The following CRACD variants were observed in gnomAD, a reference collection of about 807,000 sequenced individuals.
The protein encoded by CRACD is capping protein-inhibiting regulator of actin dynamics.
In CRACD, 56 loss-of-function variants were observed where a neutral mutation model predicts 106.8. The observed-to-expected ratio is 0.52, with a 90% CI of 0.42 to 0.66. The LOEUF is 0.66. Ranked by LOEUF, CRACD falls within the 30% of genes least tolerant of loss-of-function variation. The probability of loss-of-function intolerance (pLI) is 0.00; values close to 1 mark genes in which losing one functional copy is unlikely to be tolerated. For synonymous variants in CRACD, 754 were observed against 670.8 expected (o/e 1.12, Z -1.92); for missense variants, 1,730 against 1,623.2 (o/e 1.07, Z -1.13).
chr4:56,265,004 A>G (rs1446427046), intron 2 of CRACD, among the ~76,000 whole-genome samples: 1 of 151,996 alleles, frequency 6.6e-6, no homozygotes, highest in African/African-American at 2.4e-5. Flanking sequence ...ACCTTACCTC[A>G]TGCCTCCTGG....
chr4:56,172,623 C>T (rs1226030144), intron 1 of CRACD, among the ~76,000 whole-genome samples: 1 of 151,968 alleles, frequency 6.6e-6, no homozygotes, highest in African/African-American at 2.4e-5. Context: ...CCACCACGCC[C>T]AGCTAATTTT....
rs556458925 is a variant in CRACD, at chr4:56,231,204, G to T, written c.-188-41117G>T. On this transcript the variant is annotated intron_variant, in intron 2 of 10. Coordinates refer to ENST00000682029, the MANE Select transcript of CRACD (RefSeq NM_001393381.1). ...GTTTTGAAATACACACACACACTGG[G>T]TTTATCCTGGCTTTCTGTTTAACCC... Among the ~76,000 whole-genome samples, 11 of 152,132 alleles carry T rather than the reference G, an allele frequency of 7.2e-5. No homozygotes were observed. In the South Asian group the frequency reaches 2.3e-3, roughly 32 times the overall value.
At chr4:56,066,726 C>T (rs1732477154) in intron 1 of CRACD, among the ~76,000 whole-genome samples, 1 of 152,124 alleles carries the variant, frequency 6.6e-6, no homozygotes. Flanking sequence ...CTTTAGCTCT[C>T]CCCACCACAC....
intron 3 of CRACD, among the ~76,000 whole-genome samples, chr4:56,272,749 G>A (rs1199974924): frequency 1.3e-5 from 2 of 152,058 alleles, no homozygotes; most frequent in African/African-American, 4.8e-5. Context: ...AAAAAAATTA[G>A]CCAGGTATGG....
chr4:56,295,634 ACACAC>A (rs1743965085), intron 3 of CRACD, among the ~76,000 whole-genome samples: 1 of 145,040 alleles, frequency 6.9e-6, no homozygotes, highest in East Asian at 2.1e-4. Flanking sequence ...TGTATTCTGT[ACACAC>A]AACTGTGAGA....
chr4:56,115,144 T>C (rs1220989710), intron 1 of CRACD, among the ~76,000 whole-genome samples: 2 of 152,280 alleles, frequency 1.3e-5, no homozygotes, highest in East Asian at 3.9e-4. Context: ...TTCTTCCTTT[T>C]TTGTCTACCT....
chr4:56,083,173 G>C lies in CRACD; in HGVS notation c.-336+33874G>C, dbSNP rs191922753. Among the ~76,000 whole-genome samples, 151 of 152,232 alleles carry C rather than the reference G, an allele frequency of 9.9e-4. 1 individual carries two copies. The highest frequency in any genetic ancestry group is 3.2e-3 in the African/African-American group (133 of 41,538). ...AGTGATAACAAGACACAGACCAAAAGCAAATAGGACCAAATCTTTATCTGA... is the reference window on the plus strand; with the variant it reads ...AGTGATAACAAGACACAGACCAAAACCAAATAGGACCAAATCTTTATCTGA... On this transcript the variant is annotated intron_variant, in intron 1 of 10. Coordinates refer to ENST00000682029, the MANE Select transcript of CRACD (RefSeq NM_001393381.1).
chr4:56,138,242 T>C (rs1054330051), intron 1 of CRACD, among the ~76,000 whole-genome samples: 4 of 152,072 alleles, frequency 2.6e-5, no homozygotes, highest in African/African-American at 9.7e-5. Context: ...GGTGGATGGA[T>C]TGCTTGAGGC....
chr4:56,087,421 G>A (rs1368319867), intron 1 of CRACD, among the ~76,000 whole-genome samples: 1 of 152,184 alleles, frequency 6.6e-6, no homozygotes, highest in Non-Finnish European at 1.5e-5. Context: ...TTGACATGTG[G>A]AAATGTTTCA....
intron 1 of CRACD, among the ~76,000 whole-genome samples, chr4:56,065,934 T>G (rs1047330963): frequency 5.9e-5 from 9 of 152,322 alleles, no homozygotes; most frequent in Middle Eastern, 3.4e-3. Flanking sequence ...ATGGGGTCAT[T>G]CAATATGTGT....
Position 56,316,354 on chromosome 4 carries a change from C to T in CRACD, c.2852C>T (p.Ala951Val), listed in dbSNP as rs549017432. The change falls in exon 8 of 11, where the codon GCA (alanine) becomes GTA (valine). Residue 951 changes from alanine (A) to valine (V), a missense_variant. Physicochemically the swap from Ala to Val is moderately conservative, Grantham distance 64. This residue lies in a region of CRACD where 1,620 missense variants were observed against 1,481.6 expected (regional missense o/e 1.09). Coordinates refer to ENST00000682029, the MANE Select transcript of CRACD (RefSeq NM_001393381.1). Reference protein sequence around the residue: ...SQTPAPEHDKAANKMPLAQKP... With the variant: ...SQTPAPEHDKVANKMPLAQKP... ...ACCCCGGCTCCGGAGCACGACAAGG[C>T]AGCAAACAAAATGCCACTGGCACAA... The T allele has an allele frequency of 4.3e-6, 7 of 1,614,082 alleles. No individual in the cohort carries two copies. In the East Asian group the frequency reaches 1.3e-4, roughly 31 times the overall value.
intron 1 of CRACD, among the ~76,000 whole-genome samples, chr4:56,053,605 A>G (rs912978895): frequency 6.6e-6 from 1 of 152,226 alleles, no homozygotes; most frequent in African/African-American, 2.4e-5. Context: ...TAACTCATAA[A>G]TAACATGATT....
At chr4:56,247,621 G>C (rs1233426398) in intron 2 of CRACD, among the ~76,000 whole-genome samples, 1 of 152,166 alleles carries the variant, frequency 6.6e-6, no homozygotes, top group African/African-American at 2.4e-5. Context: ...TGAGGCAGGT[G>C]GATCACCTGA....
rs1234999389 is a variant in CRACD, at chr4:56,316,656, A to G, written c.3154A>G (p.Lys1052Glu). The G allele has an allele frequency of 1.9e-6, 3 of 1,611,606 alleles. No homozygotes were observed. Among genetic ancestry groups the G allele is most frequent in the Non-Finnish European group, 2.5e-6 (3 of 1,178,856 alleles). The change falls in exon 8 of 11, where the codon AAA (lysine) becomes GAA (glutamate). Residue 1052 changes from lysine (K) to glutamate (E), a missense_variant. Transcript: ENST00000682029. ...ACCTCTGCCTGCCACTCAGCAAGAG[A>G]AACCTTCTCAAACACCCGAGGCCGG... ...SPPLPATQQE[K>E]PSQTPEAGRK...
At chr4:56,264,237 C>T (rs1396136197) in intron 2 of CRACD, among the ~76,000 whole-genome samples, 2 of 152,134 alleles carry the variant, frequency 1.3e-5, no homozygotes, top group East Asian at 1.9e-4. Context: ...CTCCAACACT[C>T]GGGATCACAA....
intron 2 of CRACD, among the ~76,000 whole-genome samples, chr4:56,187,784 G>A (rs953469221): frequency 1.3e-5 from 2 of 151,770 alleles, no homozygotes; most frequent in African/African-American, 4.8e-5. Context: ...CACGGATAAG[G>A]CACTGCTCCG....
At chr4:56,175,442 T>C (rs1736543778) in intron 1 of CRACD, among the ~76,000 whole-genome samples, 1 of 152,256 alleles carries the variant, frequency 6.6e-6, no homozygotes, top group Non-Finnish European at 1.5e-5. Flanking sequence ...TACTTGCCAC[T>C]TGGATGTCTT....
intron 3 of CRACD, among the ~76,000 whole-genome samples, chr4:56,296,925 T>G (rs547441816): frequency 0.089 from 13,406 of 150,140 alleles, 612 homozygotes; most frequent in South Asian, 0.13. Flanking sequence ...TGTTTGTTTT[T>G]TTTTTTTTTT....
chr4:56,172,078 G>A (rs1736394097), intron 1 of CRACD, among the ~76,000 whole-genome samples: 3 of 133,036 alleles, frequency 2.3e-5, no homozygotes, highest in Admixed American at 9.1e-5. Context: ...GGCTGGAAAT[G>A]GGTCTCCTGT....
Sources: gnomAD v4.1 joint callset for allele counts (sites outside exome capture counted in the v4.1 genomes callset) on GRCh38, gnomAD v4.1.1 for gene constraint, gnomAD v4.1.1 regional missense constraint, MANE v1.5 for transcripts, NCBI Gene and HGNC (gene_info 2026-07-23, HGNC 2026-07-21) for gene names.